The following ANKDD1B variants were observed in gnomAD, a reference collection of about 807,000 sequenced individuals.
ANKDD1B encodes ankyrin repeat and death domain containing 1B, also known as ankyrin repeat and death domain-containing protein 1B.
In ANKDD1B, 57 loss-of-function variants were observed where a neutral mutation model predicts 59.7. That is an observed-to-expected ratio of 0.95 (90% CI 0.77 to 1.19). The LOEUF is 1.19. Ranked by LOEUF, ANKDD1B falls within the 50% of genes most tolerant of loss-of-function variation. ANKDD1B has a pLI of 0.00. For missense variants in ANKDD1B, 602 were observed against 641.9 expected (o/e 0.94, Z 0.67); for synonymous variants, 216 against 239.5 (o/e 0.90, Z 0.91).
At chr5:75,620,076 G>T (rs1773805824) in intron 2 of ANKDD1B, among the ~76,000 whole-genome samples, 1 of 152,112 alleles carries the variant, frequency 6.6e-6, no homozygotes, top group African/African-American at 2.4e-5. Flanking sequence ...GCTGAAACAA[G>T]AATTTCATCT....
intron 3 of ANKDD1B, among the ~76,000 whole-genome samples, chr5:75,623,408 G>T (rs567440718): frequency 1.3e-5 from 2 of 152,136 alleles, no homozygotes; most frequent in African/African-American, 4.8e-5. Flanking sequence ...ACTAAATATA[G>T]AGCGCTGACT....
chr5:75,634,895 T>C lies in ANKDD1B; in HGVS notation c.601-3T>C, dbSNP rs946522502. 34 of 1,521,632 alleles carry C rather than the reference T, an allele frequency of 2.2e-5. No individual in the cohort carries two copies. The highest frequency in any genetic ancestry group is 3.0e-5 in the Non-Finnish European group (34 of 1,133,972). The allele number at this position is 1,521,632 out of a possible 1,614,324, so 94.3% of individuals were successfully genotyped here. On this transcript the variant is annotated splice_polypyrimidine_tract_variant and splice_region_variant and intron_variant, in intron 5 of 13. Coordinates refer to ENST00000601380, the MANE Select transcript of ANKDD1B (RefSeq NM_001276713.2). ...ATGCTTGAGGTTTGTGATTGATTTTTAGAAAGGAAGAAAACCATTTCTTTT... is the reference window on the plus strand; with the variant it reads ...ATGCTTGAGGTTTGTGATTGATTTTCAGAAAGGAAGAAAACCATTTCTTTT...
rs1363551733 is a variant in ANKDD1B at position 75,628,004 on chromosome 5, GAGTTCAGA to G, written c.600+2050_600+2057del. Among the ~76,000 whole-genome samples the G allele has an allele frequency of 2.6e-5, 4 of 152,202 alleles. No homozygotes were observed. In the East Asian group the frequency reaches 7.7e-4, roughly 29 times the overall value. ...ATGTCCAGCTGCAAGATCTTAAACT[GAGTTCAGA>G]GACATACAAGGAATGAGCAAATAAT... On this transcript the variant is annotated intron_variant, in intron 5 of 13. Coordinates refer to ENST00000601380, the MANE Select transcript of ANKDD1B (RefSeq NM_001276713.2).
intron 2 of ANKDD1B, 58 bp from the exon 3 acceptor site, chr5:75,620,257 A>G: frequency 1.2e-6 from 1 of 860,734 alleles, no homozygotes; most frequent in Non-Finnish European, 1.8e-6. Context: ...AGAAACAGGA[A>G]ACCTAAAATC....
chr5:75,633,339 T>A (rs904652215), intron 5 of ANKDD1B, among the ~76,000 whole-genome samples: 2 of 152,222 alleles, frequency 1.3e-5, no homozygotes, highest in Non-Finnish European at 2.9e-5. Context: ...CCAGCTTCCA[T>A]ACATGCATAA....
chr5:75,659,357 C>A lies in ANKDD1B; in HGVS notation c.1071C>A (p.Gly357=). The change falls in exon 10 of 14, where the codon GGC becomes GGA. Residue 357 remains glycine (G), a synonymous_variant. Coordinates refer to ENST00000601380, the MANE Select transcript of ANKDD1B (RefSeq NM_001276713.2). ...TGGTGGAAACCCTGCTGAAGGCAGG[C>A]TGTGACTTGAAGGCTGTTGACAAGG... is the stretch of plus-strand genomic sequence containing the variant. ...VELVETLLKA[G]CDLKAVDKQG... 1 of 1,535,822 alleles carries A rather than the reference C, an allele frequency of 6.5e-7. No individual in the cohort carries two copies. Among genetic ancestry groups the A allele is most frequent in the Non-Finnish European group, 8.7e-7 (1 of 1,146,616 alleles).
chr5:75,664,996 G>T (rs1775269736), intron 11 of ANKDD1B, among the ~76,000 whole-genome samples: 1 of 151,956 alleles, frequency 6.6e-6, no homozygotes, highest in Non-Finnish European at 1.5e-5. Context: ...ATATAAAATG[G>T]TTCCTAGTAA....
rs565513262 is a variant in ANKDD1B, at chr5:75,622,899, T to G, written c.396+2486T>G. Among the ~76,000 whole-genome samples, 20 of 152,300 alleles carry G rather than the reference T, an allele frequency of 1.3e-4. No individual in the cohort carries two copies. In the South Asian group the frequency reaches 3.9e-3, roughly 30 times the overall value. ...TGCCTCTGAGGAACAATGGCTCCAC[T>G]CTGAGTTTGTGGTTTTAGAGACTCA... On this transcript the variant is annotated intron_variant, in intron 3 of 13. Transcript: ENST00000601380.
Position 75,611,818 on chromosome 5 carries a change from C to G in ANKDD1B, c.184C>G (p.His62Asp), listed in dbSNP as rs1773566439. The change falls in exon 1 of 14, where the codon CAC becomes GAC. Residue 62 changes from histidine (H) to aspartate (D), a missense_variant. This residue lies in a region of ANKDD1B where 317 missense variants were observed against 304.6 expected (regional missense o/e 1.04). Coordinates refer to ENST00000601380, the MANE Select transcript of ANKDD1B (RefSeq NM_001276713.2). ...LGEEDTAVAG[H>D]ELLLPNERSF... ...AGAGGAGGACACAGCAGTTGCCGGA[C>G]ACGAGCTCCGTGAGTCCCGGGACGA... 2 of 1,231,776 alleles carry G rather than the reference C, an allele frequency of 1.6e-6. No homozygotes were observed. Among genetic ancestry groups the G allele is most frequent in the Non-Finnish European group, 1.0e-6 (1 of 988,138 alleles). The allele number at this position is 1,231,776 out of a possible 1,614,324, so 76.3% of individuals were successfully genotyped here.
intron 10 of ANKDD1B, 56 bp from the exon 11 acceptor site, chr5:75,663,338 A>C: frequency 1.7e-5 from 22 of 1,260,972 alleles, no homozygotes; most frequent in Non-Finnish European, 2.2e-5. Context: ...TTCCAAAACT[A>C]GAGCTCCTAA....
intron 10 of ANKDD1B, among the ~76,000 whole-genome samples, chr5:75,662,546 A>G (rs752677291): frequency 6.6e-6 from 1 of 152,088 alleles, no homozygotes; most frequent in Non-Finnish European, 1.5e-5. Context: ...CAAATTCTTC[A>G]TGGGTCATTT....
At chr5:75,632,009 A>C (rs1774175015) in intron 5 of ANKDD1B, among the ~76,000 whole-genome samples, 1 of 151,840 alleles carries the variant, frequency 6.6e-6, no homozygotes, top group African/African-American at 2.4e-5. Flanking sequence ...TAGGAGGCTG[A>C]CGCAGGAGAC....
intron 10 of ANKDD1B, among the ~76,000 whole-genome samples, chr5:75,661,396 G>GAA (rs11357068): frequency 2.7e-5 from 1 of 36,812 alleles, no homozygotes; most frequent in Admixed American, 5.2e-4. Context: ...AACTCCGTCT[G>GAA]AAAAAAAAAA....
At chr5:75,658,797 T>A (rs1159318149) in intron 9 of ANKDD1B, among the ~76,000 whole-genome samples, 1 of 152,234 alleles carries the variant, frequency 6.6e-6, no homozygotes, top group East Asian at 1.9e-4. Context: ...AAAATACACA[T>A]AAAATCCACC....
At chr5:75,661,846 C>T (rs1775161075) in intron 10 of ANKDD1B, among the ~76,000 whole-genome samples, 1 of 150,782 alleles carries the variant, frequency 6.6e-6, no homozygotes, top group African/African-American at 2.4e-5. Context: ...TAGTTGGCAC[C>T]CAATACATAG....
In ANKDD1B at chr5:75,616,899, G is replaced by C; in HGVS notation, c.289G>C (p.Val97Leu). The C allele has an allele frequency of 6.8e-7, 1 of 1,480,982 alleles. No homozygotes were observed. Among genetic ancestry groups the C allele is most frequent in the South Asian group, 1.2e-5 (1 of 82,368 alleles). The allele number at this position is 1,480,982 out of a possible 1,614,324, so 91.7% of individuals were successfully genotyped here. Reference sequence around the variant, plus strand: ...TGAAAAGAAGGTTAACATTAATGTTGTGAACAATGTGAGTAGAAGTCATAA... The same window carrying C: ...TGAAAAGAAGGTTAACATTAATGTTCTGAACAATGTGAGTAGAAGTCATAA... ...LFEKKVNINV[V>L]NNMNRTALHF... The change falls in exon 2 of 14, where the codon GTG becomes CTG. Residue 97 changes from valine (V) to leucine (L), a missense_variant. Transcript: ENST00000601380.
At chr5:75,649,474 A>T (rs947140665) in intron 7 of ANKDD1B, among the ~76,000 whole-genome samples, 1 of 152,090 alleles carries the variant, frequency 6.6e-6, no homozygotes, top group African/African-American at 2.4e-5. Flanking sequence ...GGAACCAATA[A>T]TTTTTTTATG....
chr5:75,639,979 C>G (rs372024478), intron 7 of ANKDD1B, among the ~76,000 whole-genome samples: 86 of 152,166 alleles, frequency 5.7e-4, no homozygotes, highest in Non-Finnish European at 1.1e-3. Context: ...ATACTTGGTA[C>G]AAACGTACTT....
At position 75,637,495 on chromosome 5, in the gene ANKDD1B, A is replaced by G. The variant is rs77359522; in HGVS notation, c.798+1613A>G. Reference sequence around the variant, plus strand: ...TTGATGCCTCTCCTGAGAGCTACGGAAAGAACTAGTATCATAATCATTTAC... The same window carrying G: ...TTGATGCCTCTCCTGAGAGCTACGGGAAGAACTAGTATCATAATCATTTAC... On this transcript the variant is annotated intron_variant, in intron 7 of 13. Transcript: ENST00000601380. Among the ~76,000 whole-genome samples, 63 of 152,186 alleles carry G rather than the reference A, an allele frequency of 4.1e-4. No individual in the cohort carries two copies. In the East Asian group the frequency reaches 0.012, roughly 29 times the overall value.
Sources: allele counts gnomAD v4.1 joint callset (sites outside exome capture counted in the v4.1 genomes callset), GRCh38; gene constraint gnomAD v4.1.1; regional missense constraint gnomAD v4.1.1; transcripts MANE v1.5; gene names NCBI Gene and HGNC (gene_info 2026-07-23, HGNC 2026-07-21).